The following VEZT variants were observed in gnomAD, a reference collection of about 807,000 sequenced individuals.
The protein encoded by VEZT is vezatin, adherens junctions transmembrane protein.
Under a neutral mutation model 79.9 loss-of-function variants are expected in VEZT, and 39 were observed. The ratio of observed to expected loss-of-function variants is 0.49; its 90% confidence interval spans 0.38 to 0.64. The LOEUF is 0.64. VEZT is among the 30% of genes least tolerant of loss of function. The pLI, the probability that VEZT is intolerant of heterozygous loss-of-function variation, is 0.00. For missense variants in VEZT, 837 were observed against 893.1 expected (o/e 0.94, Z 0.80); for synonymous variants, 325 against 327.6 (o/e 0.99, Z 0.09).
At chr12:95,255,018 T>C (rs1011382792) in intron 2 of VEZT, among the ~76,000 whole-genome samples, 1 of 152,162 alleles carries the variant, frequency 6.6e-6, no homozygotes, top group Non-Finnish European at 1.5e-5. Context: ...TCTGGGGATC[T>C]CATCTACTTT....
intron 2 of VEZT, among the ~76,000 whole-genome samples, chr12:95,254,063 A>G (rs2063049939): frequency 6.6e-6 from 1 of 152,038 alleles, no homozygotes; most frequent in African/African-American, 2.4e-5. Flanking sequence ...TCACTGCAGC[A>G]TTCACTTCCT....
At chr12:95,252,780 C>T (rs2137892482) in intron 2 of VEZT, among the ~76,000 whole-genome samples, 1 of 152,224 alleles carries the variant, frequency 6.6e-6, no homozygotes, top group Admixed American at 6.5e-5. Context: ...GCCTGGCCAA[C>T]ATGGTGAAAC....
chr12:95,294,943 G>T (rs1460128739), intron 10 of VEZT, among the ~76,000 whole-genome samples: 1 of 152,124 alleles, frequency 6.6e-6, no homozygotes, highest in Non-Finnish European at 1.5e-5. Flanking sequence ...GTAGCTTACA[G>T]AATATTTCAG....
At chr12:95,239,877 G>A (rs572201609) in intron 1 of VEZT, among the ~76,000 whole-genome samples, 13 of 152,040 alleles carry the variant, frequency 8.6e-5, no homozygotes, top group African/African-American at 2.9e-4. Flanking sequence ...ACTTGAACCT[G>A]AGAGGTGGAA....
chr12:95,264,657 G>C (rs1355228612), intron 4 of VEZT, among the ~76,000 whole-genome samples: 2 of 151,734 alleles, frequency 1.3e-5, no homozygotes, highest in African/African-American at 4.8e-5. Flanking sequence ...GGCTGGTCTT[G>C]AATTCCTGAA....
At chr12:95,246,210 C>G (rs1201585724) in intron 1 of VEZT, among the ~76,000 whole-genome samples, 1 of 151,994 alleles carries the variant, frequency 6.6e-6, no homozygotes, top group Non-Finnish European at 1.5e-5. Context: ...GCGACCTCCA[C>G]CTCCTGGGTT....
At chr12:95,287,641 T>G in intron 8 of VEZT, 23 bp from the exon 9 acceptor site, 1 of 1,476,400 alleles carries the variant, frequency 6.8e-7, no homozygotes, top group East Asian at 2.5e-5. Context: ...AGAAATCTGT[T>G]TCTGTTTTTC....
intron 4 of VEZT, among the ~76,000 whole-genome samples, chr12:95,264,869 CTTTTTTTT>C (rs71078693): frequency 9.7e-5 from 11 of 113,332 alleles, no homozygotes; most frequent in Non-Finnish European, 1.8e-4. Flanking sequence ...CTTTTCTTTT[CTTTTTTTT>C]TTTTTTTTTT....
intron 2 of VEZT, 80 bp from the exon 3 acceptor site, chr12:95,257,070 T>G (rs3751271): frequency 0.14 from 155,384 of 1,088,484 alleles, 12,320 homozygotes; most frequent in Non-Finnish European, 0.16. Flanking sequence ...TCTCATTGAT[T>G]GGAGGTAAGT....
chr12:95,228,513 A>AT (rs528111242), intron 1 of VEZT, among the ~76,000 whole-genome samples: 15 of 151,918 alleles, frequency 9.9e-5, no homozygotes, highest in African/African-American at 1.5e-4. Context: ...ATATCATTTA[A>AT]TTTTTTTTAA....
chr12:95,290,619 G>A (rs1023343848), intron 9 of VEZT: 1 of 152,164 alleles, frequency 6.6e-6, no homozygotes, highest in Non-Finnish European at 1.5e-5. Flanking sequence ...GTAGTTGCAA[G>A]GAATTGGAGA....
At position 95,275,051 on chromosome 12, in the gene VEZT, G is replaced by A. The variant is rs1271925952; in HGVS notation, c.996+162G>A. Among the ~76,000 whole-genome samples, 5 of 152,148 alleles carry A rather than the reference G, an allele frequency of 3.3e-5. No individual in the cohort carries two copies. The East Asian group carries it at 7.7e-4, about 23-fold the overall frequency. ...GTTTGTAACTCTGTCTTTAAGAGCC[G>A]AGAGCATAATAAAGATTGGAAGAGG... On this transcript the variant is annotated intron_variant, in intron 7 of 11. Coordinates refer to ENST00000436874, the MANE Select transcript of VEZT (RefSeq NM_017599.4).
At chr12:95,281,045 A>C (rs1052353806) in intron 7 of VEZT, among the ~76,000 whole-genome samples, 1 of 152,232 alleles carries the variant, frequency 6.6e-6, no homozygotes, top group Non-Finnish European at 1.5e-5. Context: ...GTCTATTTTC[A>C]TGGTTGTGAA....
intron 4 of VEZT, among the ~76,000 whole-genome samples, chr12:95,264,869 C>CTTTTTTTTTTTTTTTTTT (rs71078693): frequency 7.9e-5 from 9 of 113,330 alleles, no homozygotes; most frequent in Non-Finnish European, 1.4e-4. Context: ...CTTTTCTTTT[C>CTTTTTTTTTTTTTTTTTT]TTTTTTTTTT....
At chr12:95,221,913 A>G (rs1359433933) in intron 1 of VEZT, among the ~76,000 whole-genome samples, 1 of 152,218 alleles carries the variant, frequency 6.6e-6, no homozygotes, top group African/African-American at 2.4e-5. Context: ...AACTATTTAC[A>G]TAGTGTTCAC....
chr12:95,266,530 A>C lies in VEZT; in HGVS notation c.608A>C (p.His203Pro). ...LQVTLKKYSV[H>P]LEDMATNSRA... is the part of the protein sequence containing the mutation. The stretch of plus-strand genomic sequence containing the variant: ...GTGACCCTAAAAAAATACAGCGTTC[A>C]TTTGGAAGATATGGCCACAAACAGC... The change falls in exon 5 of 12, where the codon CAT (histidine) becomes CCT (proline). Residue 203 changes from histidine (H) to proline (P), a missense_variant. By Grantham distance (77) the His-to-Pro change is moderately conservative. Coordinates refer to ENST00000436874, the MANE Select transcript of VEZT (RefSeq NM_017599.4). 1 of 1,613,948 alleles carries C rather than the reference A, an allele frequency of 6.2e-7. No individual in the cohort carries two copies. The highest frequency in any genetic ancestry group is 1.1e-5 in the South Asian group (1 of 91,078).
chr12:95,217,934 A>G, intron 1 of VEZT, 48 bp downstream of exon 1: 2 of 1,451,152 alleles, frequency 1.4e-6, no homozygotes, highest in Middle Eastern at 1.8e-4. Flanking sequence ...TTTGAGAAGG[A>G]CGAGACGGAA....
chr12:95,256,498 C>A, intron 2 of VEZT: 1 of 997,754 alleles, frequency 1.0e-6, no homozygotes, highest in Non-Finnish European at 1.3e-6. Flanking sequence ...ATACTAAGTT[C>A]TTGAAAACAA....
chr12:95,253,948 A>G (rs1397723668), intron 2 of VEZT, among the ~76,000 whole-genome samples: 3 of 152,026 alleles, frequency 2.0e-5, no homozygotes, highest in Non-Finnish European at 4.4e-5. Context: ...AAATTATCAT[A>G]TGTCTAGAAA....
Sources: gnomAD v4.1 joint callset for allele counts (sites outside exome capture counted in the v4.1 genomes callset) on GRCh38, gnomAD v4.1.1 for gene constraint, MANE v1.5 for transcripts, NCBI Gene and HGNC (gene_info 2026-07-23, HGNC 2026-07-21) for gene names.